LRIG2: variants seen among roughly 807,000 people sequenced by gnomAD.
LRIG2 encodes the protein leucine-rich repeats and immunoglobulin-like domains protein 2.
LRIG2 carries 93 observed loss-of-function variants against 107.8 expected under a neutral mutation model. The ratio of observed to expected loss-of-function variants is 0.86; its 90% CI spans 0.73 to 1.03. The LOEUF (loss-of-function observed/expected upper bound fraction) is 1.03. LRIG2 is among the 50% of genes least tolerant of loss of function. The pLI is 0.00. For synonymous variants in LRIG2, 471 were observed against 470.6 expected (o/e 1.00, Z -0.01); for missense variants, 1,226 against 1,296.0 (o/e 0.95, Z 0.83).
chr1:113,127,569 A>ATT lies in LRIG2; in HGVS notation c.*3480_*3481dup, dbSNP rs59848515. 79 of 125,994 alleles carry ATT rather than the reference A, an allele frequency of 6.3e-4. No homozygotes were observed. Among genetic ancestry groups the ATT allele is most frequent in the African/African-American group, 1.7e-3 (57 of 33,048 alleles). The allele number at this position is 125,994 out of a possible 1,614,324, so 7.8% of individuals were successfully genotyped here. A position where few individuals can be genotyped will look rare whatever the true frequency, so the allele number is the denominator to read the frequency against. On this transcript the variant is annotated 3_prime_UTR_variant, in exon 18 of 18. Coordinates refer to ENST00000361127, the MANE Select transcript of LRIG2 (RefSeq NM_014813.3). Reference sequence around the variant, plus strand: ...ACTGTAAAGCCTTGTAGTGGTCCTTATTTTTTTTTTTTTGAGACGGAGTCT... The same window carrying ATT: ...ACTGTAAAGCCTTGTAGTGGTCCTTATTTTTTTTTTTTTTTGAGACGGAGTCT...
chr1:113,073,734 A>AG lies in LRIG2; in HGVS notation c.239+92dup, dbSNP rs1652823480. The AG allele has an allele frequency of 6.3e-6, 8 of 1,264,790 alleles. No individual in the cohort carries two copies. In the Admixed American group the frequency reaches 1.3e-4, roughly 20 times the overall value. The allele number at this position is 1,264,790 out of a possible 1,614,324, so 78.3% of individuals were successfully genotyped here. ...GCAGGAGGGAGACAGGCCTGGTCGG[A>AG]GGGTGTGGTCGAGAGCCTAAGCTCT... On this transcript the variant is annotated intron_variant, in intron 1 of 17. Transcript: ENST00000361127.
chr1:113,109,606 C>T (rs1210511207), intron 12 of LRIG2, among the ~76,000 whole-genome samples: 3 of 152,106 alleles, frequency 2.0e-5, no homozygotes, highest in African/African-American at 4.8e-5. Context: ...GCCACCTCTA[C>T]CCCCCGGGTT....
chr1:113,082,348 C>G (rs1653325689), intron 1 of LRIG2, among the ~76,000 whole-genome samples: 1 of 152,188 alleles, frequency 6.6e-6, no homozygotes, highest in Non-Finnish European at 1.5e-5. Flanking sequence ...TGATACAGAT[C>G]ACCTGGGCTT....
At chr1:113,087,387 C>T (rs113858110) in intron 1 of LRIG2, among the ~76,000 whole-genome samples, 2,618 of 152,180 alleles carry the variant, frequency 0.017, 67 homozygotes, top group African/African-American at 0.06. Flanking sequence ...CTAGCTCAGT[C>T]ATCCAGGCTG....
At chr1:113,081,113 T>C (rs1653261797) in intron 1 of LRIG2, among the ~76,000 whole-genome samples, 1 of 152,106 alleles carries the variant, frequency 6.6e-6, no homozygotes, top group South Asian at 2.1e-4. Context: ...AGTGCTGGGA[T>C]TCCACGCATG....
At chr1:113,098,327 A>G (rs1260199567) in intron 8 of LRIG2, among the ~76,000 whole-genome samples, 1 of 152,230 alleles carries the variant, frequency 6.6e-6, no homozygotes. Flanking sequence ...ATCTGAAATC[A>G]GATTTATAAG....
intron 1 of LRIG2, among the ~76,000 whole-genome samples, chr1:113,086,915 C>T (rs1191194004): frequency 6.6e-6 from 1 of 152,138 alleles, no homozygotes; most frequent in African/African-American, 2.4e-5. Flanking sequence ...CAGAGCTAGA[C>T]TTTAGGTTTA....
At chr1:113,087,792 A>G (rs932257766) in intron 1 of LRIG2, among the ~76,000 whole-genome samples, 1 of 152,248 alleles carries the variant, frequency 6.6e-6, no homozygotes, top group South Asian at 2.1e-4. Context: ...GAGTGAAATT[A>G]GGCGTAAAAG....
At chr1:113,098,184 T>A (rs1489888033) in intron 8 of LRIG2, among the ~76,000 whole-genome samples, 1 of 152,138 alleles carries the variant, frequency 6.6e-6, no homozygotes, top group African/African-American at 2.4e-5. Flanking sequence ...AACACATGGG[T>A]TTATCATTTT....
At position 113,110,442 on chromosome 1, in the gene LRIG2, G is replaced by A; in HGVS notation, c.1678G>A (p.Glu560Lys). 3 of 1,613,924 alleles carry A rather than the reference G, an allele frequency of 1.9e-6. No individual in the cohort carries two copies. The highest frequency in any genetic ancestry group is 1.7e-6 in the Non-Finnish European group (2 of 1,179,792). Reference protein sequence around the residue: ...RYWQQAGEALEYTSILHLFNV... With the variant: ...RYWQQAGEALKYTSILHLFNV... ...TTGGCAGCAAGCTGGAGAAGCTCTG[G>A]AATATACTAGTATCTTACATCTTTT... is the stretch of plus-strand genomic sequence containing the variant. Residue 560 changes from glutamate (E) to lysine (K), a missense_variant, in exon 13 of 18, where the codon GAA becomes AAA. By Grantham distance (56) the Glu-to-Lys change is moderately conservative. Coordinates refer to ENST00000361127, the MANE Select transcript of LRIG2 (RefSeq NM_014813.3).
Position 113,127,171 on chromosome 1 carries a change from TAAG to T in LRIG2, c.*3074_*3076del, listed in dbSNP as rs1655512925. ...TCTTTTACCAATGTGCAGTATATCT[TAAG>T]AAGGGAAGAGTGCTCTTGGGAGTAG... On this transcript the variant is annotated 3_prime_UTR_variant, in exon 18 of 18. Transcript: ENST00000361127. 1 of 152,218 alleles carries T rather than the reference TAAG, an allele frequency of 6.6e-6. No individual in the cohort carries two copies. The allele number at this position is 152,218 out of a possible 1,614,324, so 9.4% of individuals were successfully genotyped here. A position where few individuals can be genotyped will look rare whatever the true frequency, so the allele number is the denominator to read the frequency against.
chr1:113,075,692 CT>C (rs34293194), intron 1 of LRIG2, among the ~76,000 whole-genome samples: 1,315 of 117,708 alleles, frequency 0.011, 23 homozygotes, highest in African/African-American at 0.04. Flanking sequence ...GTGGCCTATA[CT>C]TTTTTTTTTT....
At chr1:113,094,829 G>A (rs2101036532) in intron 6 of LRIG2, 74 bp downstream of exon 6, 5 of 1,441,400 alleles carry the variant, frequency 3.5e-6, no homozygotes, top group Non-Finnish European at 4.8e-6. Context: ...AATGGCTAGG[G>A]TAGTTGTTCT....
At chr1:113,118,667 T>TGGCA in intron 16 of LRIG2, among the ~76,000 whole-genome samples, 1 of 152,024 alleles carries the variant, frequency 6.6e-6, no homozygotes, top group East Asian at 1.9e-4. Context: ...AGTATGACTT[T>TGGCA]GTTTTTTTTT....
intron 12 of LRIG2, 35 bp from the exon 13 acceptor site, chr1:113,110,207 C>T: frequency 7.1e-7 from 1 of 1,416,472 alleles, no homozygotes; most frequent in Non-Finnish European, 9.6e-7. Context: ...AAATAAATAA[C>T]TGACTTGGCT....
rs1017702389 is a variant in LRIG2 at position 113,116,181 on chromosome 1, A to G, written c.2531-106A>G. The G allele has an allele frequency of 5.8e-6, 5 of 862,796 alleles. No individual in the cohort carries two copies. In the Admixed American group the frequency reaches 8.0e-5, roughly 14 times the overall value. The allele number at this position is 862,796 out of a possible 1,614,324, so 53.4% of individuals were successfully genotyped here. A position where few individuals can be genotyped will look rare whatever the true frequency, so the allele number is the denominator to read the frequency against. ...AGCTGTTGCGGTCCTAGGTACGTACAGTTTTTCTTGCTAATAGTATCAAAG... is the reference window on the plus strand; with the variant it reads ...AGCTGTTGCGGTCCTAGGTACGTACGGTTTTTCTTGCTAATAGTATCAAAG... On this transcript the variant is annotated intron_variant, in intron 15 of 17. Transcript: ENST00000361127.
Position 113,119,299 on chromosome 1 carries a change from G to A in LRIG2, c.2747G>A (p.Arg916Gln), listed in dbSNP as rs139116622. ...YDNANIYSRT[R>Q]EYCPYTYIAE... ...AATGCCAACATCTACTCCAGGACCC[G>A]AGAATACTGTCCATACACCTATATT... is the stretch of plus-strand genomic sequence containing the variant. The change falls in exon 17 of 18, where the codon CGA (arginine) becomes CAA (glutamine). Residue 916 changes from arginine (R) to glutamine (Q), a missense_variant. Arg to Gln is a conservative substitution (Grantham distance 43, BLOSUM62 1). This residue lies in a region of LRIG2 where 642 missense variants were observed against 712.2 expected (regional missense o/e 0.90). Coordinates refer to ENST00000361127, the MANE Select transcript of LRIG2 (RefSeq NM_014813.3). The A allele has an allele frequency of 6.3e-5, 101 of 1,614,076 alleles. No individual in the cohort carries two copies. Among genetic ancestry groups the A allele is most frequent in the Middle Eastern group, 1.6e-4 (1 of 6,062 alleles).
rs527342984 is a variant in LRIG2, at chr1:113,132,252, A to G, written c.*8151A>G. The G allele has an allele frequency of 6.6e-6, 1 of 152,332 alleles. No individual in the cohort carries two copies. Among genetic ancestry groups the G allele is most frequent in the African/African-American group, 2.4e-5 (1 of 41,568 alleles). The allele number at this position is 152,332 out of a possible 1,614,324, so 9.4% of individuals were successfully genotyped here. On this transcript the variant is annotated 3_prime_UTR_variant, in exon 18 of 18. Coordinates refer to ENST00000361127, the MANE Select transcript of LRIG2 (RefSeq NM_014813.3). ...TAATATGTCTTTAATAAAGCTAAAAACATTCTGATTTTCTGGTCTTCTTTT... is the reference window on the plus strand; with the variant it reads ...TAATATGTCTTTAATAAAGCTAAAAGCATTCTGATTTTCTGGTCTTCTTTT...
intron 1 of LRIG2, among the ~76,000 whole-genome samples, chr1:113,080,656 G>A (rs1007721003): frequency 6.6e-6 from 1 of 152,110 alleles, no homozygotes; most frequent in African/African-American, 2.4e-5. Flanking sequence ...GGGATTACAG[G>A]CGTGAGCCAC....
Sources: allele counts gnomAD v4.1 joint callset (sites outside exome capture counted in the v4.1 genomes callset), GRCh38; gene constraint gnomAD v4.1.1; regional missense constraint gnomAD v4.1.1; transcripts MANE v1.5; gene names NCBI Gene and HGNC (gene_info 2026-07-23, HGNC 2026-07-21).